RBMS3: variants seen among roughly 807,000 people sequenced by gnomAD.
RBMS3 encodes RNA-binding motif, single-stranded-interacting protein 3.
RBMS3 carries 27 observed loss-of-function variants against 66.8 expected under a neutral mutation model. The observed-to-expected ratio is 0.40, with a 90% CI of 0.30 to 0.56. The LOEUF is 0.56. Among genes scored for constraint, RBMS3 ranks in the 20% least tolerant of loss-of-function variants. The probability of loss-of-function intolerance (pLI) is 0.40; values close to 1 mark genes in which losing one functional copy is unlikely to be tolerated. For synonymous variants in RBMS3, 188 were observed against 183.0 expected (o/e 1.03, Z -0.22); for missense variants, 513 against 549.5 (o/e 0.93, Z 0.66).
intron 6 of RBMS3, among the ~76,000 whole-genome samples, chr3:29,828,292 A>T (rs1016392037): frequency 5.3e-5 from 8 of 152,090 alleles, no homozygotes; most frequent in Non-Finnish European, 8.8e-5. Flanking sequence ...TTTTAGATAT[A>T]TACCTTCAAC....
intron 2 of RBMS3, among the ~76,000 whole-genome samples, chr3:29,486,486 T>G: frequency 6.6e-6 from 1 of 152,156 alleles, no homozygotes; most frequent in East Asian, 1.9e-4. Context: ...TATGGTTTGC[T>G]TTTTTGGACT....
At position 29,863,273 on chromosome 3, in the gene RBMS3, C is replaced by G. The variant is rs534489523; in HGVS notation, c.638-5585C>G. Among the ~76,000 whole-genome samples the G allele has an allele frequency of 2.0e-5, 3 of 151,784 alleles. No individual in the cohort carries two copies. The East Asian group carries it at 5.8e-4, about 29-fold the overall frequency. ...TAGGAGATACACCTAATGTAAATGA[C>G]GAGTTAATGGGTGCAGCACACCAAC... On this transcript the variant is annotated intron_variant, in intron 6 of 14. Coordinates refer to ENST00000383767, the MANE Select transcript of RBMS3 (RefSeq NM_001003793.3).
chr3:29,803,131 G>A (rs2149445856), intron 6 of RBMS3, among the ~76,000 whole-genome samples: 1 of 152,214 alleles, frequency 6.6e-6, no homozygotes, highest in East Asian at 1.9e-4. Context: ...GAGGCTCAGG[G>A]AGAATAAATG....
intron 12 of RBMS3, among the ~76,000 whole-genome samples, chr3:29,959,600 T>A (rs1696277612): frequency 6.6e-6 from 1 of 152,092 alleles, no homozygotes; most frequent in African/African-American, 2.4e-5. Context: ...GGGAGGTATA[T>A]AAGTTCATTT....
Position 29,685,151 on chromosome 3 carries a change from CG to C in RBMS3, c.400-54566del, listed in dbSNP as rs2051668955. Among the ~76,000 whole-genome samples, 2 of 152,048 alleles carry C rather than the reference CG, an allele frequency of 1.3e-5. 1 individual carries two copies. The highest frequency in any genetic ancestry group is 4.1e-4 in the South Asian group (2 of 4,820). On this transcript the variant is annotated intron_variant, in intron 4 of 14. Transcript: ENST00000383767. ...TCGGCTCACTGCAAGCTCCGCCTCC[CG>C]GGTTCACACCATTCTCCTGCCTCAG...
At chr3:29,811,404 C>A (rs1296813577) in intron 6 of RBMS3, among the ~76,000 whole-genome samples, 1 of 152,200 alleles carries the variant, frequency 6.6e-6, no homozygotes, top group African/African-American at 2.4e-5. Flanking sequence ...ACAGTCTAGA[C>A]TGGCTCTCTT....
intron 1 of RBMS3, among the ~76,000 whole-genome samples, chr3:29,418,718 G>A (rs901806652): frequency 1.3e-5 from 2 of 152,012 alleles, no homozygotes; most frequent in Non-Finnish European, 2.9e-5. Flanking sequence ...TATTTTCATT[G>A]GGTGAAAAAT....
intron 4 of RBMS3, among the ~76,000 whole-genome samples, chr3:29,727,496 CA>C (rs1284839631): frequency 6.6e-6 from 1 of 151,900 alleles, no homozygotes; most frequent in African/African-American, 2.4e-5. Context: ...CCAGAATGTA[CA>C]AGGAACTTAA....
At chr3:29,680,329 G>A (rs1192002711) in intron 4 of RBMS3, among the ~76,000 whole-genome samples, 4 of 152,182 alleles carry the variant, frequency 2.6e-5, no homozygotes, top group Non-Finnish European at 4.4e-5. Context: ...ACATTAACTT[G>A]GGTCCCATTC....
chr3:29,766,452 A>G (rs533872813), intron 6 of RBMS3: 2 of 152,092 alleles, frequency 1.3e-5, no homozygotes, highest in East Asian at 1.9e-4. Flanking sequence ...TTGCTGCCCC[A>G]TTTCGATTTG....
intron 6 of RBMS3, among the ~76,000 whole-genome samples, chr3:29,830,514 T>C (rs980706113): frequency 6.6e-6 from 1 of 152,086 alleles, no homozygotes; most frequent in African/African-American, 2.4e-5. Context: ...CTTTTGATTG[T>C]GGTTATGCAT....
intron 3 of RBMS3, among the ~76,000 whole-genome samples, chr3:29,522,262 G>A (rs1383452718): frequency 2.6e-5 from 4 of 152,034 alleles, no homozygotes; most frequent in Middle Eastern, 3.4e-3. Context: ...CTGTGATCTC[G>A]GCTCACTGCA....
intron 3 of RBMS3, among the ~76,000 whole-genome samples, chr3:29,563,417 T>TTAG (rs1336610076): frequency 6.6e-6 from 1 of 152,194 alleles, no homozygotes; most frequent in Non-Finnish European, 1.5e-5. Context: ...CAATATTTCT[T>TTAG]TAGTACCTGC....
chr3:29,790,864 A>G (rs573697292), intron 6 of RBMS3, among the ~76,000 whole-genome samples: 2 of 152,348 alleles, frequency 1.3e-5, no homozygotes, highest in East Asian at 3.9e-4. Context: ...TCTTTAAAAT[A>G]CAAATTTGAT....
At chr3:29,977,209 A>T (rs959333071) in intron 12 of RBMS3, among the ~76,000 whole-genome samples, 2 of 152,190 alleles carry the variant, frequency 1.3e-5, no homozygotes, top group African/African-American at 4.8e-5. Context: ...AAATGGTACA[A>T]TGATAACTTC....
At chr3:29,331,171 C>T (rs1347848955) in intron 1 of RBMS3, among the ~76,000 whole-genome samples, 2 of 152,108 alleles carry the variant, frequency 1.3e-5, no homozygotes, top group East Asian at 1.9e-4. Flanking sequence ...GGTGTTGGCA[C>T]TCTTACCCAT....
chr3:29,852,869 T>C (rs2058970394), intron 6 of RBMS3, among the ~76,000 whole-genome samples: 1 of 152,194 alleles, frequency 6.6e-6, no homozygotes. Flanking sequence ...TGTATGTTCA[T>C]TGCAGCACTA....
chr3:29,410,793 G>T (rs1396141367), intron 1 of RBMS3, among the ~76,000 whole-genome samples: 1 of 152,108 alleles, frequency 6.6e-6, no homozygotes, highest in African/African-American at 2.4e-5. Flanking sequence ...CTGTGTGTGT[G>T]GTCTGGTGTT....
intron 4 of RBMS3, among the ~76,000 whole-genome samples, chr3:29,729,779 G>A (rs1302913464): frequency 6.6e-6 from 1 of 151,750 alleles, no homozygotes; most frequent in Non-Finnish European, 1.5e-5. Context: ...CTACTTCAAA[G>A]TTCATATGGA....
Sources: allele counts gnomAD v4.1 joint callset (sites outside exome capture counted in the v4.1 genomes callset), GRCh38; gene constraint gnomAD v4.1.1; transcripts MANE v1.5; gene names NCBI Gene and HGNC (gene_info 2026-07-23, HGNC 2026-07-21).